The following ABCC1 variants were observed in gnomAD, a reference collection of about 807,000 sequenced individuals.
ABCC1 encodes the protein ATP binding cassette subfamily C member 1 (ABCC1 blood group).
In ABCC1, 83 loss-of-function variants were observed where a neutral mutation model predicts 172.9. The ratio of observed to expected loss-of-function variants is 0.48; its 90% CI spans 0.40 to 0.58. The LOEUF (loss-of-function observed/expected upper bound fraction) is 0.58, where lower values mean the gene tolerates loss of function less well. Ranked by LOEUF, ABCC1 falls within the 20% of genes least tolerant of loss-of-function variation. The pLI, the probability that ABCC1 is intolerant of heterozygous loss-of-function variation, is 0.00. For missense variants in ABCC1, 1,817 were observed against 2,002.7 expected (o/e 0.91, Z 1.77); for synonymous variants, 937 against 825.2 (o/e 1.14, Z -2.32).
chr16:16,007,422 A>G (rs958879916), intron 1 of ABCC1, among the ~76,000 whole-genome samples: 1 of 152,034 alleles, frequency 6.6e-6, no homozygotes, highest in African/African-American at 2.4e-5. Context: ...GCAGCATCTC[A>G]CTATCTTGCC....
intron 19 of ABCC1, among the ~76,000 whole-genome samples, chr16:16,093,979 C>CTTTTTTTTTT (rs578261751): frequency 3.0e-4 from 32 of 106,562 alleles, no homozygotes; most frequent in Non-Finnish European, 3.5e-4. Flanking sequence ...TCCCTCTCTC[C>CTTTTTTTTTT]TTTTTTTTTT....
intron 1 of ABCC1, among the ~76,000 whole-genome samples, chr16:15,997,473 G>A (rs1456415088): frequency 1.3e-5 from 2 of 152,188 alleles, no homozygotes; most frequent in Non-Finnish European, 2.9e-5. Flanking sequence ...ACCGGTGACC[G>A]TGTTCAGGAC....
chr16:16,132,721 C>T (rs774611635), intron 27 of ABCC1, among the ~76,000 whole-genome samples: 70 of 149,610 alleles, frequency 4.7e-4, no homozygotes, highest in Non-Finnish European at 5.9e-4. Flanking sequence ...GGGGTTTTGC[C>T]ATGTTGGCCA....
At chr16:16,129,293 A>T (rs755059635) in intron 26 of ABCC1, among the ~76,000 whole-genome samples, 1 of 152,126 alleles carries the variant, frequency 6.6e-6, no homozygotes, top group Non-Finnish European at 1.5e-5. Context: ...AGATGAGATC[A>T]TGGGTCTCAA....
chr16:16,102,471 T>C (rs1281832300), intron 19 of ABCC1, among the ~76,000 whole-genome samples, 156 bp from the exon 20 acceptor site: 1 of 152,196 alleles, frequency 6.6e-6, no homozygotes, highest in Non-Finnish European at 1.5e-5. Context: ...AGACAGCCTG[T>C]TCATGGCCTC....
chr16:16,014,133 A>ATT (rs775870650), intron 3 of ABCC1, among the ~76,000 whole-genome samples: 1 of 152,150 alleles, frequency 6.6e-6, no homozygotes, highest in Non-Finnish European at 1.5e-5. Flanking sequence ...AGTCCAAAAT[A>ATT]TTTATTACGT....
intron 23 of ABCC1, among the ~76,000 whole-genome samples, chr16:16,117,850 G>A (rs1435106547): frequency 1.3e-5 from 2 of 152,164 alleles, no homozygotes; most frequent in South Asian, 2.1e-4. Flanking sequence ...AGGTTGCAGT[G>A]AGCCAAGATT....
chr16:15,961,057 G>T (rs1458110335), intron 1 of ABCC1, among the ~76,000 whole-genome samples: 1 of 148,422 alleles, frequency 6.7e-6, no homozygotes, highest in African/African-American at 2.5e-5. Context: ...TGCTGCTCAG[G>T]CTGGTCTCGA....
chr16:15,988,757 T>C (rs549713254), intron 1 of ABCC1, among the ~76,000 whole-genome samples: 10 of 152,238 alleles, frequency 6.6e-5, no homozygotes, highest in African/African-American at 2.2e-4. Flanking sequence ...TTTTTAGTGC[T>C]TAACAACACT....
At position 16,090,410 on chromosome 16, in the gene ABCC1, G is replaced by A; in HGVS notation, c.2466G>A (p.Arg822=). The change falls in exon 19 of 31, where the codon CGG becomes CGA. Residue 822 remains arginine, a synonymous_variant. Transcript: ENST00000399410. The part of the protein sequence containing the change: ...GPKGMLKNKT[R]ILVTHSMSYL... Reference sequence around the variant, plus strand: ...GGTGTCCCCTTTGCCCACAGACGCGGATCTTGGTCACGCACAGCATGAGCT... The same window carrying A: ...GGTGTCCCCTTTGCCCACAGACGCGAATCTTGGTCACGCACAGCATGAGCT... 1.9e-6 allele frequency: 3 copies of A among 1,596,134 alleles called. No homozygotes were observed. Among genetic ancestry groups the A allele is most frequent in the African/African-American group, 1.3e-5 (1 of 74,750 alleles).
At chr16:15,997,917 G>A (rs960039931) in intron 1 of ABCC1, among the ~76,000 whole-genome samples, 12 of 149,214 alleles carry the variant, frequency 8.0e-5, no homozygotes, top group Middle Eastern at 3.5e-3. Flanking sequence ...GGGTTTAAGC[G>A]ATTCTTGTGC....
intron 5 of ABCC1, among the ~76,000 whole-genome samples, chr16:16,018,718 G>A (rs949003149): frequency 1.3e-5 from 2 of 152,022 alleles, no homozygotes; most frequent in South Asian, 2.1e-4. Context: ...TGTGTGTCTC[G>A]GTAGTCATAG....
In ABCC1 at chr16:15,984,939, C is replaced by T. The variant is rs151216121; in HGVS notation, c.49-22877C>T. ...GCAACATGGAGAAACCCCTTCTCTA[C>T]AAAAATCACAAAAATTGGCTGGGCG... On this transcript the variant is annotated intron_variant, in intron 1 of 30. Transcript: ENST00000399410. 3.0e-3 allele frequency among the ~76,000 whole-genome samples: 456 copies of T among 151,828 alleles called. 3 individuals carry two copies. The highest frequency in any genetic ancestry group is 0.011 in the African/African-American group (443 of 41,416).
intron 10 of ABCC1, among the ~76,000 whole-genome samples, chr16:16,049,610 T>A (rs1036440989): frequency 5.9e-5 from 9 of 152,188 alleles, no homozygotes; most frequent in African/African-American, 1.9e-4. Context: ...TAGATGGACT[T>A]CTTCTTTTGA....
intron 12 of ABCC1, among the ~76,000 whole-genome samples, chr16:16,067,140 C>G (rs2050142266): frequency 6.6e-6 from 1 of 152,098 alleles, no homozygotes; most frequent in African/African-American, 2.4e-5. Flanking sequence ...GTCCTAGCTA[C>G]TCGGGAGGCT....
intron 10 of ABCC1, among the ~76,000 whole-genome samples, chr16:16,048,600 C>A (rs1184443864): frequency 6.6e-6 from 1 of 152,178 alleles, no homozygotes; most frequent in East Asian, 1.9e-4. Context: ...CCCCTTGAAT[C>A]CTCCCAAACG....
chr16:16,025,514 C>T (rs2048339572), intron 5 of ABCC1, among the ~76,000 whole-genome samples: 1 of 152,226 alleles, frequency 6.6e-6, no homozygotes, highest in African/African-American at 2.4e-5. Context: ...CACGCATTGC[C>T]TCCTGCTGGG....
chr16:16,055,974 A>G (rs1310243490), intron 11 of ABCC1, 118 bp from the exon 12 acceptor site: 3 of 921,668 alleles, frequency 3.3e-6, no homozygotes, highest in Non-Finnish European at 3.2e-6. Context: ...AATCAATATA[A>G]AAAACATTTA....
chr16:15,992,049 T>C (rs1263812622), intron 1 of ABCC1, among the ~76,000 whole-genome samples: 3 of 152,128 alleles, frequency 2.0e-5, no homozygotes, highest in Non-Finnish European at 1.5e-5. Context: ...GCCTGAGCTC[T>C]GCCTCCTGTC....
Sources: gnomAD v4.1 joint callset for allele counts (sites outside exome capture counted in the v4.1 genomes callset) on GRCh38, gnomAD v4.1.1 for gene constraint, MANE v1.5 for transcripts, NCBI Gene and HGNC (gene_info 2026-07-23, HGNC 2026-07-21) for gene names.